Variants in DIAPH2 observed in about 807,000 individuals in gnomAD.
DIAPH2 encodes the protein protein diaphanous homolog 2.
DIAPH2 carries 35 observed loss-of-function variants against 92.7 expected under a neutral mutation model. The observed-to-expected ratio is 0.38, with a 90% CI of 0.29 to 0.50. DIAPH2 has a LOEUF of 0.50. Ranked by LOEUF, DIAPH2 falls within the 20% of genes least tolerant of loss-of-function variation. DIAPH2 has a pLI of 0.94. For missense variants in DIAPH2, 701 were observed against 819.5 expected (o/e 0.86, Z 1.77); for synonymous variants, 301 against 280.4 (o/e 1.07, Z -0.73).
chrX:96,838,314 A>G (rs1266619085), intron 4 of DIAPH2, among the ~76,000 whole-genome samples: 1 of 111,950 alleles, frequency 8.9e-6, no homozygotes, highest in African/African-American at 3.2e-5. Context: ...CAGTGGCAGC[A>G]GAACTATAGT....
At chrX:97,168,289 T>A (rs982439857) in intron 22 of DIAPH2, among the ~76,000 whole-genome samples, 4 of 109,673 alleles carry the variant, frequency 3.6e-5, no homozygotes, top group African/African-American at 1.3e-4. Flanking sequence ...GGTTTTACCA[T>A]GTTGGCCAGG....
intron 23 of DIAPH2, among the ~76,000 whole-genome samples, chrX:97,270,999 A>G (rs542303697): frequency 9.0e-6 from 1 of 111,484 alleles, no homozygotes; most frequent in African/African-American, 3.2e-5. Context: ...TGTACAAAGT[A>G]TGTACTCTGC....
chrX:97,011,555 A>G (rs1230794678), intron 17 of DIAPH2, among the ~76,000 whole-genome samples: 2 of 111,774 alleles, frequency 1.8e-5, no homozygotes, highest in East Asian at 5.6e-4. Context: ...ACATTTGAGA[A>G]TGTTTTACAT....
chrX:97,365,268 G>T (rs1377377741), intron 24 of DIAPH2, among the ~76,000 whole-genome samples: 1 of 111,424 alleles, frequency 9.0e-6, no homozygotes, highest in Non-Finnish European at 1.9e-5. Flanking sequence ...TTCAGTGTTT[G>T]TCCTCTCTCC....
At chrX:96,811,568 G>A (rs2064681364) in intron 4 of DIAPH2, among the ~76,000 whole-genome samples, 1 of 111,774 alleles carries the variant, frequency 8.9e-6, no homozygotes, top group Admixed American at 9.5e-5. Flanking sequence ...TTGAATAGGA[G>A]TGGTGAGAGA....
At chrX:96,716,987 A>G (rs1439891233) in intron 1 of DIAPH2, among the ~76,000 whole-genome samples, 1 of 110,909 alleles carries the variant, frequency 9.0e-6, no homozygotes, top group East Asian at 2.8e-4. Context: ...TTTCTCCCCA[A>G]TTACTGCTTT....
Position 97,599,340 on chromosome X carries a change from A to AAAT in DIAPH2, c.*25_*27dup. ...TGATTCCTGATGCCAAAGAATATGA[A>AAAT]AATATTTAAGTAAAAACAAAATGAT... On this transcript the variant is annotated 3_prime_UTR_variant, in exon 27 of 27. Transcript: ENST00000324765. The AAAT allele has an allele frequency of 1.8e-6, 2 of 1,108,530 alleles. No homozygotes were observed. Among genetic ancestry groups the AAAT allele is most frequent in the Non-Finnish European group, 2.5e-6 (2 of 814,159 alleles). 91.4% of individuals were successfully genotyped at this position (1,108,530 alleles called of 1,213,427 possible).
intron 22 of DIAPH2, among the ~76,000 whole-genome samples, chrX:97,179,482 T>G (rs777788676): frequency 9.9e-5 from 11 of 110,942 alleles, no homozygotes; most frequent in Admixed American, 3.8e-4. Context: ...GTTCCTGTGT[T>G]AGTTTGCTGA....
chrX:97,362,046 G>T (rs1038552114), intron 24 of DIAPH2, among the ~76,000 whole-genome samples: 17 of 111,489 alleles, frequency 1.5e-4, no homozygotes, highest in African/African-American at 5.5e-4. Context: ...TTCGAGACCA[G>T]CCTGGCCAAC....
At chrX:97,052,688 T>C (rs2066528755) in intron 17 of DIAPH2, among the ~76,000 whole-genome samples, 1 of 110,901 alleles carries the variant, frequency 9.0e-6, no homozygotes, top group Admixed American at 9.6e-5. Context: ...TTAGAATCTC[T>C]AGGAGTAGGG....
chrX:97,393,247 A>C (rs2069676399), intron 25 of DIAPH2, among the ~76,000 whole-genome samples: 1 of 111,497 alleles, frequency 9.0e-6, no homozygotes, highest in African/African-American at 3.3e-5. Context: ...GGAAGGAAAA[A>C]ATTTCATAAA....
chrX:97,448,775 T>C (rs2070333915), intron 26 of DIAPH2, among the ~76,000 whole-genome samples: 1 of 112,234 alleles, frequency 8.9e-6, no homozygotes. Context: ...TAATTCATGA[T>C]TAGCACTGGG....
chrX:96,910,931 C>A (rs762563362), intron 5 of DIAPH2, among the ~76,000 whole-genome samples: 1 of 111,116 alleles, frequency 9.0e-6, no homozygotes, highest in East Asian at 2.8e-4. Context: ...CAGGGGAAAA[C>A]ATTAATGACT....
intron 4 of DIAPH2, among the ~76,000 whole-genome samples, chrX:96,809,798 C>T (rs892593805): frequency 9.0e-6 from 1 of 111,492 alleles, no homozygotes. Flanking sequence ...ATTGTTTGCT[C>T]AGAATGATGG....
chrX:96,885,203 T>C, intron 5 of DIAPH2: 1 of 649,389 alleles, frequency 1.5e-6, no homozygotes, highest in South Asian at 3.0e-5. Context: ...AAATCTCAAG[T>C]GGCATTCTTT....
At chrX:97,169,308 C>T (rs778978443) in intron 22 of DIAPH2, among the ~76,000 whole-genome samples, 65 of 111,316 alleles carry the variant, frequency 5.8e-4, no homozygotes, top group Non-Finnish European at 1.1e-3. Context: ...ACCCAGATCA[C>T]CTAGGGCCTC....
chrX:96,775,192 C>G (rs2064367762), intron 4 of DIAPH2, among the ~76,000 whole-genome samples: 1 of 110,968 alleles, frequency 9.0e-6, no homozygotes, highest in African/African-American at 3.3e-5. Context: ...TTAAGTGGTC[C>G]CTCAGCTGCT....
chrX:97,489,171 A>G (rs2070708438), intron 26 of DIAPH2, among the ~76,000 whole-genome samples: 1 of 111,844 alleles, frequency 8.9e-6, no homozygotes, highest in Non-Finnish European at 1.9e-5. Context: ...ATGTATTCCT[A>G]AGTATTTCAT....
At chrX:97,016,498 C>T (rs747356817) in intron 17 of DIAPH2, among the ~76,000 whole-genome samples, 1 of 112,168 alleles carries the variant, frequency 8.9e-6, no homozygotes, top group South Asian at 3.8e-4. Context: ...GGCTACTGAT[C>T]TTTACTGTGT....
Sources: gnomAD v4.1 joint callset for allele counts (sites outside exome capture counted in the v4.1 genomes callset) on GRCh38, gnomAD v4.1.1 for gene constraint, MANE v1.5 for transcripts, NCBI Gene and HGNC (gene_info 2026-07-23, HGNC 2026-07-21) for gene names.